Variants in RAD54L2 observed in about 807,000 individuals in gnomAD.
RAD54L2 encodes helicase ARIP4.
In RAD54L2, 27 loss-of-function variants were observed where a neutral mutation model predicts 138.4. The observed-to-expected ratio is 0.20, with a 90% CI of 0.14 to 0.27. The LOEUF (loss-of-function observed/expected upper bound fraction) is 0.27, where lower values mean the gene tolerates loss of function less well. RAD54L2 is among the 10% of genes least tolerant of loss of function. RAD54L2 has a pLI of 1.00. For missense variants in RAD54L2, 1,396 were observed against 1,890.2 expected (o/e 0.74, Z 4.85); for synonymous variants, 644 against 723.2 (o/e 0.89, Z 1.76).
At chr3:51,556,672 G>A (rs1195755865) in intron 2 of RAD54L2, among the ~76,000 whole-genome samples, 5 of 152,114 alleles carry the variant, frequency 3.3e-5, no homozygotes, top group African/African-American at 1.2e-4. Flanking sequence ...CGCCTCCCGG[G>A]TTCAAGCGAT....
intron 3 of RAD54L2, among the ~76,000 whole-genome samples, chr3:51,605,672 G>A (rs1362507317): frequency 6.6e-6 from 1 of 151,590 alleles, no homozygotes; most frequent in Non-Finnish European, 1.5e-5. Context: ...GGCTGGTCTC[G>A]AACTCCTGAC....
Position 51,662,366 on chromosome 3 carries a change from C to T in RAD54L2, c.3410-60C>T. On this transcript the variant is annotated intron_variant, in intron 22 of 22. Transcript: ENST00000684192. This position sits in a 1 kb window ranked among gnomAD's most constrained non-coding sequence, Gnocchi z 4.6. ...GGATTTTTTTTAATGGAGTTTTCTCCTCTACCCTTCTTCTCTCCCTGGCCA... is the reference window on the plus strand; with the variant it reads ...GGATTTTTTTTAATGGAGTTTTCTCTTCTACCCTTCTTCTCTCCCTGGCCA... The T allele has an allele frequency of 7.0e-7, 1 of 1,420,662 alleles. No homozygotes were observed. Among genetic ancestry groups the T allele is most frequent in the Non-Finnish European group, 9.4e-7 (1 of 1,063,574 alleles). 88.0% of individuals were successfully genotyped at this position (1,420,662 alleles called of 1,614,324 possible). A position where few individuals can be genotyped will look rare whatever the true frequency, so the allele number is the denominator to read the frequency against.
chr3:51,590,357 C>T lies in RAD54L2; in HGVS notation c.-54-10C>T. The T allele has an allele frequency of 6.9e-7, 1 of 1,444,274 alleles. No individual in the cohort carries two copies. Among genetic ancestry groups the T allele is most frequent in the Non-Finnish European group, 9.1e-7 (1 of 1,093,702 alleles). The allele number at this position is 1,444,274 out of a possible 1,614,324, so 89.5% of individuals were successfully genotyped here. On this transcript the variant is annotated splice_polypyrimidine_tract_variant and intron_variant, in intron 2 of 22. Transcript: ENST00000684192. ...CCTTGGTGATTCTGATGCCTTTCAT[C>T]CTCTCCTAGCACCCCTGCAGTGGAC...
At chr3:51,605,835 G>C (rs1700169677) in intron 3 of RAD54L2, among the ~76,000 whole-genome samples, 1 of 152,186 alleles carries the variant, frequency 6.6e-6, no homozygotes, top group African/African-American at 2.4e-5. Flanking sequence ...AGCAGCCATT[G>C]CCTTTCTCTC....
chr3:51,647,936 G>A (rs1020773321), intron 19 of RAD54L2, among the ~76,000 whole-genome samples: 1 of 152,164 alleles, frequency 6.6e-6, no homozygotes, highest in Non-Finnish European at 1.5e-5. Context: ...TCATCTCACT[G>A]GGACTGGTTA....
rs368081741 is a variant in RAD54L2, at chr3:51,630,404, G to C, written c.598+16G>C. 3.7e-6 allele frequency: 6 copies of C among 1,602,182 alleles called. No homozygotes were observed. In the African/African-American group the frequency reaches 8.0e-5, roughly 21 times the overall value. ...AGTCGAGATGGTAAGATCAAACCAG[G>C]TGCCTCCCTTTCTTCCGACCTGGTG... On this transcript the variant is annotated intron_variant, in intron 6 of 22. Coordinates refer to ENST00000684192, the MANE Select transcript of RAD54L2 (RefSeq NM_015106.4).
intron 3 of RAD54L2, among the ~76,000 whole-genome samples, chr3:51,612,187 G>A (rs973788297): frequency 2.0e-5 from 3 of 152,164 alleles, no homozygotes; most frequent in African/African-American, 7.2e-5. Flanking sequence ...GCTCAAGGCC[G>A]GGTACAGTGG....
At chr3:51,648,573 G>A (rs143354904) in intron 19 of RAD54L2, among the ~76,000 whole-genome samples, 1,822 of 152,244 alleles carry the variant, frequency 0.012, 24 homozygotes, top group Non-Finnish European at 0.019. Context: ...TCATACAGCC[G>A]GGTGCCCCTC....
intron 7 of RAD54L2, among the ~76,000 whole-genome samples, chr3:51,631,420 CTTTT>C (rs898540419): frequency 7.8e-6 from 1 of 128,316 alleles, no homozygotes; most frequent in Admixed American, 8.0e-5. Context: ...ATTAAGAACT[CTTTT>C]TTTTTTTTTT....
At chr3:51,584,869 A>G (rs557014057) in intron 2 of RAD54L2, among the ~76,000 whole-genome samples, 1 of 151,908 alleles carries the variant, frequency 6.6e-6, no homozygotes, top group Non-Finnish European at 1.5e-5. Context: ...ACAGTGGTAC[A>G]GTCATGGCTC....
intron 3 of RAD54L2, among the ~76,000 whole-genome samples, chr3:51,594,066 CTTTTTTTTTT>C (rs904101025): frequency 1.9e-5 from 2 of 105,138 alleles, no homozygotes; most frequent in African/African-American, 7.3e-5. Context: ...TTTTCTTTTT[CTTTTTTTTTT>C]TTTTTTTTTT....
At chr3:51,659,690 C>G (rs1285205343) in intron 21 of RAD54L2, among the ~76,000 whole-genome samples, 4 of 152,198 alleles carry the variant, frequency 2.6e-5, no homozygotes, top group African/African-American at 9.7e-5. Flanking sequence ...ATTTGCTTCT[C>G]CATTGCATTG....
intron 3 of RAD54L2, among the ~76,000 whole-genome samples, chr3:51,597,165 CA>C (rs145812228): frequency 0.055 from 2,726 of 49,288 alleles, 14 homozygotes; most frequent in Non-Finnish European, 0.077. Context: ...GACTTCATTT[CA>C]AAAAAAAAAA....
intron 6 of RAD54L2, 125 bp from the exon 7 acceptor site, chr3:51,630,580 G>C (rs548959306): frequency 2.0e-6 from 2 of 1,018,388 alleles, no homozygotes; most frequent in African/African-American, 3.3e-5. Flanking sequence ...AATAGTAAAA[G>C]TCAAAATTTT....
intron 2 of RAD54L2, among the ~76,000 whole-genome samples, chr3:51,566,196 C>G (rs1224992940): frequency 6.6e-6 from 1 of 152,132 alleles, no homozygotes; most frequent in African/African-American, 2.4e-5. Context: ...ATCCTTGACT[C>G]TTTACAGTTT....
At chr3:51,632,410 C>T (rs1465663054) in intron 7 of RAD54L2, among the ~76,000 whole-genome samples, 1 of 152,132 alleles carries the variant, frequency 6.6e-6, no homozygotes, top group Non-Finnish European at 1.5e-5. Flanking sequence ...TCTCCTGCCT[C>T]AGCCTCCCAA....
At chr3:51,567,879 C>A (rs1338381977) in intron 2 of RAD54L2, among the ~76,000 whole-genome samples, 1 of 149,344 alleles carries the variant, frequency 6.7e-6, no homozygotes, top group Admixed American at 6.8e-5. Flanking sequence ...TAGGTCGAGG[C>A]TGCAGTGAGC....
intron 3 of RAD54L2, among the ~76,000 whole-genome samples, chr3:51,612,686 T>C (rs1700356006): frequency 1.3e-5 from 1 of 76,680 alleles, no homozygotes; most frequent in Non-Finnish European, 2.3e-5. Context: ...TGATGGTCTT[T>C]GTTGTAAAAA....
chr3:51,573,626 C>A (rs191695062), intron 2 of RAD54L2, among the ~76,000 whole-genome samples: 2 of 152,024 alleles, frequency 1.3e-5, no homozygotes, highest in Non-Finnish European at 2.9e-5. Context: ...TGCGCCACCA[C>A]GCCTGACTAA....
Sources: allele counts gnomAD v4.1 joint callset (sites outside exome capture counted in the v4.1 genomes callset), GRCh38; gene constraint gnomAD v4.1.1; non-coding constraint Gnocchi (gnomAD v3.1); transcripts MANE v1.5; gene names NCBI Gene and HGNC (gene_info 2026-07-23, HGNC 2026-07-21).